The following SLCO1A2 variants were observed in gnomAD, a reference collection of about 807,000 sequenced individuals.
The protein encoded by SLCO1A2 is OATP-1.
A neutral mutation model predicts 69.0 loss-of-function variants in SLCO1A2; 67 were observed. The observed-to-expected ratio is 0.97, with a 90% CI of 0.80 to 1.19. SLCO1A2 has a LOEUF of 1.19. SLCO1A2 is among the 50% of genes most tolerant of loss of function. The pLI is 0.00. For missense variants in SLCO1A2, 787 were observed against 793.7 expected, an observed-to-expected ratio of 0.99 and a Z score of 0.10; for synonymous variants, 260 against 265.9, an observed-to-expected ratio of 0.98 and a Z score of 0.22.
intron 3 of SLCO1A2, 144 bp downstream of exon 3, chr12:21,318,638 G>T: frequency 1.7e-6 from 1 of 593,800 alleles, no homozygotes; most frequent in Non-Finnish European, 2.8e-6. Context: ...CATATTCTAA[G>T]CTTAGCTAAT....
chr12:21,416,587 T>C (rs772252747), intron 1 of SLCO1A2, among the ~76,000 whole-genome samples: 2 of 152,086 alleles, frequency 1.3e-5, no homozygotes, highest in African/African-American at 2.4e-5. Context: ...CTTGGTTTAA[T>C]TGTCTGCAGG....
Position 21,301,213 on chromosome 12 carries a change from A to T in SLCO1A2, c.646T>A (p.Phe216Ile). 1 of 1,612,792 alleles carries T rather than the reference A, an allele frequency of 6.2e-7. No individual in the cohort carries two copies. Among genetic ancestry groups the T allele is most frequent in the Non-Finnish European group, 8.5e-7 (1 of 1,179,486 alleles). ...GPLIGLLLAS[F>I]CANVYVDTGF... Reference sequence around the variant, plus strand: ...GTGTCAACATAAACATTTGCACAGAATGATGCCAACAAAAGTCCAATCAAA... The same window carrying T: ...GTGTCAACATAAACATTTGCACAGATTGATGCCAACAAAAGTCCAATCAAA... The change falls in exon 7 of 15, where the codon TTC becomes ATC. Residue 216 changes from phenylalanine to isoleucine, a missense_variant. By Grantham distance (21) the Phe-to-Ile change is conservative. Coordinates refer to ENST00000683939, the MANE Select transcript of SLCO1A2 (RefSeq NM_001386879.1).
chr12:21,378,456 T>G, intron 1 of SLCO1A2: 1 of 1,548,688 alleles, frequency 6.5e-7, no homozygotes, highest in Non-Finnish European at 8.9e-7. Context: ...GTTATTGTTT[T>G]ATGTTCTAGT....
intron 2 of SLCO1A2, among the ~76,000 whole-genome samples, chr12:21,344,057 CT>C (rs1953168087): frequency 6.6e-6 from 1 of 152,086 alleles, no homozygotes; most frequent in Admixed American, 6.6e-5. Flanking sequence ...GCGGTAAAAA[CT>C]TGAACTTTCA....
At chr12:21,301,391 A>G (rs1185291613) in intron 6 of SLCO1A2, 122 bp from the exon 7 acceptor site, 2 of 479,740 alleles carry the variant, frequency 4.2e-6, no homozygotes, top group Non-Finnish European at 7.2e-6. Context: ...TAGATACACA[A>G]TTTATATGAA....
In SLCO1A2 at chr12:21,293,926, G is replaced by A. The variant is rs918332314; in HGVS notation, c.1437+19C>T. The A allele has an allele frequency of 2.5e-6, 4 of 1,590,666 alleles. No individual in the cohort carries two copies. Among genetic ancestry groups the A allele is most frequent in the East Asian group, 2.3e-5 (1 of 43,742 alleles). On this transcript the variant is annotated intron_variant, in intron 11 of 14. Transcript: ENST00000683939. ...TACCAATGCAACTCAAAAAAGTTCT[G>A]TCAAATAGGATGTCTTACCATGTTT...
intron 2 of SLCO1A2, chr12:21,319,371 CCTTGGCCGACTCCACT>C: frequency 7.3e-7 from 1 of 1,367,950 alleles, no homozygotes; most frequent in South Asian, 1.1e-5. Flanking sequence ...CCCCAGATTA[CCTTGGCCGACTCCACT>C]CTTTCCTGTT....
At chr12:21,406,635 A>G (rs1237966186) in intron 1 of SLCO1A2, among the ~76,000 whole-genome samples, 3 of 152,332 alleles carry the variant, frequency 2.0e-5, no homozygotes, top group Non-Finnish European at 2.9e-5. Flanking sequence ...AATGTTTAAG[A>G]TAAGTACTAT....
Position 21,269,499 on chromosome 12 carries a change from G to GTTTTAAA in SLCO1A2, c.*48_*49insTTTAAAA. The GTTTTAAA allele has an allele frequency of 7.2e-7, 1 of 1,379,728 alleles. No individual in the cohort carries two copies. Among genetic ancestry groups the GTTTTAAA allele is most frequent in the Non-Finnish European group, 1.0e-6 (1 of 986,834 alleles). The allele number at this position is 1,379,728 out of a possible 1,614,324, so 85.5% of individuals were successfully genotyped here. A position where few individuals can be genotyped will look rare whatever the true frequency, so the allele number is the denominator to read the frequency against. Reference sequence around the variant, plus strand: ...CTCTACTGATTTTTAAAACAATTAAGTTGTACAGCATGTTCTCTAATTCTG... The same window carrying GTTTTAAA: ...CTCTACTGATTTTTAAAACAATTAAGTTTTAAATTGTACAGCATGTTCTCTAATTCTG... On this transcript the variant is annotated 3_prime_UTR_variant, in exon 15 of 15. Coordinates refer to ENST00000683939, the MANE Select transcript of SLCO1A2 (RefSeq NM_001386879.1).
At chr12:21,338,688 A>G (rs967358409), upstream of SLCO1A2, among the ~76,000 whole-genome samples, 7 of 151,856 alleles carry the variant, frequency 4.6e-5, no homozygotes, top group Non-Finnish European at 7.4e-5. Flanking sequence ...TATTATCCCA[A>G]TTCTTATTTT....
chr12:21,355,762 T>C (rs762212458), intron 2 of SLCO1A2, among the ~76,000 whole-genome samples: 1 of 152,066 alleles, frequency 6.6e-6, no homozygotes, highest in Non-Finnish European at 1.5e-5. Flanking sequence ...AGAAACAAAA[T>C]ACAGATTAAG....
At chr12:21,361,201 T>A (rs1167971567) in intron 2 of SLCO1A2, among the ~76,000 whole-genome samples, 2 of 152,124 alleles carry the variant, frequency 1.3e-5, no homozygotes, top group Admixed American at 1.3e-4. Context: ...AGAGGAAGGA[T>A]CAGACAGCAA....
chr12:21,288,873 GATTT>G (rs1426703682), intron 12 of SLCO1A2, among the ~76,000 whole-genome samples: 2 of 150,732 alleles, frequency 1.3e-5, no homozygotes, highest in Admixed American at 1.3e-4. Context: ...TTTTACTTCT[GATTT>G]ATTTTATGTA....
At chr12:21,381,053 T>C (rs1940555855) in intron 1 of SLCO1A2, among the ~76,000 whole-genome samples, 1 of 152,010 alleles carries the variant, frequency 6.6e-6, no homozygotes, top group Admixed American at 6.6e-5. Context: ...CCAGATAAGA[T>C]CTCAGAAGTT....
chr12:21,320,065 T>G (rs980893063), intron 2 of SLCO1A2, among the ~76,000 whole-genome samples: 1 of 152,116 alleles, frequency 6.6e-6, no homozygotes, highest in Non-Finnish European at 1.5e-5. Context: ...TTTTGCTTGG[T>G]CCTATTGAAG....
rs191232405 is a variant in SLCO1A2 at position 21,309,553 on chromosome 12, A to T, written c.336-2565T>A. 1.9e-3 allele frequency among the ~76,000 whole-genome samples: 288 copies of T among 152,312 alleles called. 1 individual carries two copies. Among genetic ancestry groups the T allele is most frequent in the Non-Finnish European group, 3.3e-3 (227 of 68,012 alleles). ...AATGTCTTCAAAATCCCTAGGGAAA[A>T]TATTTCCAATCTAGAATTTTATCCA... On this transcript the variant is annotated intron_variant, in intron 4 of 14. Coordinates refer to ENST00000683939, the MANE Select transcript of SLCO1A2 (RefSeq NM_001386879.1).
intron 14 of SLCO1A2, among the ~76,000 whole-genome samples, chr12:21,272,579 T>G (rs16923608): frequency 0.085 from 12,858 of 152,088 alleles, 1,782 homozygotes; most frequent in African/African-American, 0.29. Context: ...TTTGTTGAAA[T>G]CATTAATATA....
upstream of SLCO1A2, among the ~76,000 whole-genome samples, chr12:21,396,526 A>G (rs12320362): frequency 0.1 from 15,473 of 149,374 alleles, 948 homozygotes; most frequent in East Asian, 0.36. Context: ...AGAGAACGCC[A>G]CAAAGATACT....
chr12:21,358,092 GAA>G (rs1365237000), intron 2 of SLCO1A2, among the ~76,000 whole-genome samples: 1 of 152,108 alleles, frequency 6.6e-6, no homozygotes, highest in African/African-American at 2.4e-5. Context: ...AAGGAGATAT[GAA>G]AAGAGTGTTG....
Sources: gnomAD v4.1 joint callset for allele counts (sites outside exome capture counted in the v4.1 genomes callset) on GRCh38, gnomAD v4.1.1 for gene constraint, MANE v1.5 for transcripts, NCBI Gene and HGNC (gene_info 2026-07-23, HGNC 2026-07-21) for gene names.